DNAH6: variants seen among roughly 807,000 people sequenced by gnomAD.
DNAH6 encodes the protein axonemal beta dynein heavy chain 6.
In DNAH6, 340 loss-of-function variants were observed where a neutral mutation model predicts 491.4. The observed-to-expected ratio is 0.69, with a 90% CI of 0.63 to 0.76. The LOEUF (loss-of-function observed/expected upper bound fraction) is 0.76. Ranked by LOEUF, DNAH6 falls within the 30% of genes least tolerant of loss-of-function variation. DNAH6 has a pLI of 0.00. For synonymous variants in DNAH6, 1,603 were observed against 1,686.1 expected, an observed-to-expected ratio of 0.95 and a Z score of 1.21; for missense variants, 4,443 against 4,972.2, an observed-to-expected ratio of 0.89 and a Z score of 3.20.
intron 43 of DNAH6, among the ~76,000 whole-genome samples, chr2:84,685,981 G>A (rs1197053324): frequency 6.6e-6 from 1 of 152,170 alleles, no homozygotes; most frequent in African/African-American, 2.4e-5. Flanking sequence ...AAAGTCAGGA[G>A]TTCAAGACCA....
chr2:84,756,543 C>G (rs1674045221), intron 63 of DNAH6, among the ~76,000 whole-genome samples: 1 of 152,182 alleles, frequency 6.6e-6, no homozygotes, highest in African/African-American at 2.4e-5. Context: ...TTCAGTAGGT[C>G]ACCCAGGATT....
intron 30 of DNAH6, 65 bp from the exon 31 acceptor site, chr2:84,637,145 A>G: frequency 7.2e-7 from 1 of 1,383,386 alleles, no homozygotes; most frequent in East Asian, 2.5e-5. Context: ...TATTCGAGTA[A>G]TAATTAGGTG....
intron 72 of DNAH6, among the ~76,000 whole-genome samples, chr2:84,809,466 T>C (rs1044550096): frequency 1.3e-5 from 2 of 152,160 alleles, no homozygotes; most frequent in African/African-American, 4.8e-5. Context: ...CTTGGGACTA[T>C]GGCATCTAGT....
intron 35 of DNAH6, among the ~76,000 whole-genome samples, chr2:84,655,428 T>G (rs1690860631): frequency 6.6e-6 from 1 of 152,096 alleles, no homozygotes; most frequent in Non-Finnish European, 1.5e-5. Context: ...GCTTAACAAG[T>G]AGTCCTTTGA....
intron 17 of DNAH6, 100 bp from the exon 18 acceptor site, chr2:84,595,546 T>G: frequency 9.5e-7 from 1 of 1,053,798 alleles, no homozygotes; most frequent in Admixed American, 2.9e-5. Flanking sequence ...AAAAGCATAG[T>G]GTAGATTTGG....
At chr2:84,788,551 C>G (rs972589161) in intron 68 of DNAH6, among the ~76,000 whole-genome samples, 3 of 152,112 alleles carry the variant, frequency 2.0e-5, no homozygotes, top group African/African-American at 7.2e-5. Flanking sequence ...AAAAGAATAA[C>G]GTTTCCCAAT....
At position 84,738,349 on chromosome 2, in the gene DNAH6, A is replaced by T. The variant is rs1358182529; in HGVS notation, c.10342+4770A>T. The stretch of plus-strand genomic sequence containing the variant: ...GGTTGTTAGGGAGAGTATTCTGTAG[A>T]TGTCTATTAGGTCCAAATGGTCATG... On this transcript the variant is annotated intron_variant, in intron 62 of 76. Coordinates refer to ENST00000389394, the MANE Select transcript of DNAH6 (RefSeq NM_001370.2). 1.6e-4 allele frequency among the ~76,000 whole-genome samples: 25 copies of T among 152,222 alleles called. No homozygotes were observed. In the East Asian group the frequency reaches 4.6e-3, roughly 28 times the overall value.
At chr2:84,726,093 C>T (rs1214312077) in intron 60 of DNAH6, among the ~76,000 whole-genome samples, 1 of 152,094 alleles carries the variant, frequency 6.6e-6, no homozygotes. Context: ...CTTTGCGCTC[C>T]ATCCTATTAG....
At position 84,544,234 on chromosome 2, in the gene DNAH6, G is replaced by C. The variant is rs1263711525; in HGVS notation, c.664G>C (p.Val222Leu). The change falls in exon 5 of 77, where the codon GTT (valine) becomes CTT (leucine). Residue 222 changes from valine (V) to leucine (L), a missense_variant and splice_region_variant. By Grantham distance (32) the Val-to-Leu change is conservative. This residue lies in a region of DNAH6 where 2,977 missense variants were observed against 3,296.6 expected (regional missense o/e 0.90). Transcript: ENST00000389394. ...SIEYDTYNLK[V>L]VSYENINKND... Reference sequence around the variant, plus strand: ...GTCCCAATTTTTATTTGTTTATAGAGTTGTAAGTTATGAGAACATCAATAA... The same window carrying C: ...GTCCCAATTTTTATTTGTTTATAGACTTGTAAGTTATGAGAACATCAATAA... 7.0e-7 allele frequency: 1 copy of C among 1,427,994 alleles called. No homozygotes were observed. Among genetic ancestry groups the C allele is most frequent in the Non-Finnish European group, 9.5e-7 (1 of 1,049,272 alleles). The allele number at this position is 1,427,994 out of a possible 1,614,324, so 88.5% of individuals were successfully genotyped here.
At chr2:84,594,820 T>A (rs1388343558) in intron 17 of DNAH6, among the ~76,000 whole-genome samples, 1 of 152,214 alleles carries the variant, frequency 6.6e-6, no homozygotes, top group African/African-American at 2.4e-5. Flanking sequence ...ATGTTCTAGG[T>A]GCTGGGAGTA....
intron 60 of DNAH6, among the ~76,000 whole-genome samples, chr2:84,724,251 A>G (rs1698423710): frequency 6.6e-6 from 1 of 152,006 alleles, no homozygotes; most frequent in Admixed American, 6.5e-5. Flanking sequence ...ACACATCTCT[A>G]TTTCCTGTTA....
chr2:84,461,476 C>G, the DNAH6 span, among the ~76,000 whole-genome samples: 1 of 152,156 alleles, frequency 6.6e-6, no homozygotes, highest in Non-Finnish European at 1.5e-5. Flanking sequence ...CCACACCACT[C>G]ATCTTTGTAT....
intron 67 of DNAH6, among the ~76,000 whole-genome samples, chr2:84,786,955 T>C (rs1047111134): frequency 1.3e-5 from 2 of 152,164 alleles, no homozygotes; most frequent in African/African-American, 4.8e-5. Context: ...CAAATTTTCT[T>C]TTGGAAATAT....
At chr2:84,784,878 A>G (rs1275310187) in intron 66 of DNAH6, 68 bp downstream of exon 66, 26 of 1,096,000 alleles carry the variant, frequency 2.4e-5, no homozygotes, top group Non-Finnish European at 3.4e-5. Context: ...AGTGCCTCCC[A>G]GGAGATCAGA....
intron 32 of DNAH6, among the ~76,000 whole-genome samples, chr2:84,640,960 T>C (rs1481788937): frequency 6.6e-6 from 1 of 152,254 alleles, no homozygotes; most frequent in Admixed American, 6.5e-5. Context: ...AAGCCAGTCA[T>C]ACTTGTTGCC....
rs1573510820 is a variant in DNAH6 at position 84,528,883 on chromosome 2, TCAAAAATTGGC to T, written c.400-20_400-10del. The T allele has an allele frequency of 3.3e-6, 5 of 1,513,110 alleles. No homozygotes were observed. Among genetic ancestry groups the T allele is most frequent in the South Asian group, 1.3e-5 (1 of 77,730 alleles). The allele number at this position is 1,513,110 out of a possible 1,614,324, so 93.7% of individuals were successfully genotyped here. A position where few individuals can be genotyped will look rare whatever the true frequency, so the allele number is the denominator to read the frequency against. ...GTGTGCAAAGACTCATTTTTTTTTT[TCAAAAATTGGC>T]TTTGTTTAGATTCATCGGCCCTATG... On this transcript the variant is annotated splice_polypyrimidine_tract_variant and intron_variant, in intron 3 of 76. Transcript: ENST00000389394.
At chr2:84,569,497 A>T (rs889479850) in intron 11 of DNAH6, among the ~76,000 whole-genome samples, 2 of 152,152 alleles carry the variant, frequency 1.3e-5, no homozygotes, top group East Asian at 3.8e-4. Context: ...AACAAAATGG[A>T]GAGCAAAACC....
chr2:84,753,425 C>T (rs1228759768), intron 63 of DNAH6, among the ~76,000 whole-genome samples: 1 of 151,744 alleles, frequency 6.6e-6, no homozygotes, highest in Non-Finnish European at 1.5e-5. Flanking sequence ...GTTGCTTGTG[C>T]TTTTAATGTC....
chr2:84,567,575 TG>T (rs1259416866), intron 11 of DNAH6, among the ~76,000 whole-genome samples: 14 of 152,172 alleles, frequency 9.2e-5, no homozygotes, highest in Admixed American at 7.9e-4. Flanking sequence ...TAAATGGTGC[TG>T]GGAGAACTGG....
Sources: gnomAD v4.1 joint callset for allele counts (sites outside exome capture counted in the v4.1 genomes callset) on GRCh38, gnomAD v4.1.1 for gene constraint, gnomAD v4.1.1 regional missense constraint, MANE v1.5 for transcripts, NCBI Gene and HGNC (gene_info 2026-07-23, HGNC 2026-07-21) for gene names.